Variants in MAGI2 observed in about 807,000 individuals in gnomAD.
MAGI2 encodes membrane-associated guanylate kinase, WW and PDZ domain-containing protein 2.
MAGI2 carries 35 observed loss-of-function variants against 133.3 expected under a neutral mutation model. The observed-to-expected ratio is 0.26, with a 90% CI of 0.20 to 0.35. The LOEUF (loss-of-function observed/expected upper bound fraction) is 0.35, where lower values mean the gene tolerates loss of function less well. MAGI2 is among the 10% of genes least tolerant of loss of function. The pLI, the probability that MAGI2 is intolerant of heterozygous loss-of-function variation, is 1.00. For synonymous variants in MAGI2, 729 were observed against 710.6 expected (o/e 1.03, Z -0.41); for missense variants, 1,636 against 1,863.4 (o/e 0.88, Z 2.25).
intron 2 of MAGI2, among the ~76,000 whole-genome samples, chr7:78,754,038 A>G (rs1385741092): frequency 6.6e-6 from 1 of 152,156 alleles, no homozygotes; most frequent in African/African-American, 2.4e-5. Context: ...GAGAAAACTG[A>G]TATCTGATGG....
intron 1 of MAGI2, among the ~76,000 whole-genome samples, chr7:79,136,719 G>T (rs1209278186): frequency 6.6e-6 from 1 of 152,144 alleles, no homozygotes; most frequent in African/African-American, 2.4e-5. Flanking sequence ...GTTATATAAG[G>T]CTACTCATTT....
chr7:78,551,892 G>A (rs192724900), intron 3 of MAGI2, among the ~76,000 whole-genome samples: 2 of 152,236 alleles, frequency 1.3e-5, no homozygotes, highest in East Asian at 3.9e-4. Context: ...CTACAGGAAT[G>A]CGCCACCACG....
intron 1 of MAGI2, among the ~76,000 whole-genome samples, chr7:79,437,010 C>A (rs1470889097): frequency 6.6e-6 from 1 of 152,156 alleles, no homozygotes; most frequent in Admixed American, 6.6e-5. Context: ...GATTACTATG[C>A]AGCCATGAAA....
intron 1 of MAGI2, among the ~76,000 whole-genome samples, chr7:79,204,331 C>G (rs1299947426): frequency 6.6e-6 from 1 of 152,032 alleles, no homozygotes; most frequent in Non-Finnish European, 1.5e-5. Context: ...GGGCTCAGGA[C>G]AGCTCTCAAC....
At chr7:79,121,030 T>C (rs1434864140) in intron 1 of MAGI2, among the ~76,000 whole-genome samples, 1 of 152,142 alleles carries the variant, frequency 6.6e-6, no homozygotes, top group Non-Finnish European at 1.5e-5. Flanking sequence ...AGAAACCTCC[T>C]AATCAGAGTA....
At chr7:78,058,003 A>ATATATATATGTGTGTGTGTGTGTGTGTG in intron 21 of MAGI2, among the ~76,000 whole-genome samples, 1 of 117,028 alleles carries the variant, frequency 8.5e-6, no homozygotes, top group African/African-American at 3.3e-5. Context: ...ATATATATAT[A>ATATATATATGTGTGTGTGTGTGTGTGTG]TGTATGAGAA....
chr7:78,447,340 A>G (rs573709493), intron 6 of MAGI2, among the ~76,000 whole-genome samples: 1 of 151,804 alleles, frequency 6.6e-6, no homozygotes, highest in South Asian at 2.1e-4. Context: ...AACAAATGTC[A>G]TGTTAAAGGG....
chr7:78,437,040 G>A (rs1028934289), intron 6 of MAGI2, among the ~76,000 whole-genome samples: 1 of 152,170 alleles, frequency 6.6e-6, no homozygotes, highest in African/African-American at 2.4e-5. Flanking sequence ...GATTACTTGA[G>A]AAAGGTTCAG....
At chr7:78,213,438 AAG>A (rs893369841) in intron 10 of MAGI2, among the ~76,000 whole-genome samples, 2 of 152,222 alleles carry the variant, frequency 1.3e-5, no homozygotes, top group African/African-American at 4.8e-5. Context: ...TATTTATCAA[AAG>A]AGAGACATGC....
intron 2 of MAGI2, among the ~76,000 whole-genome samples, chr7:78,770,631 C>T (rs17151445): frequency 0.073 from 11,138 of 152,192 alleles, 554 homozygotes; most frequent in East Asian, 0.23. Context: ...CATGATGGCT[C>T]TCCACTGGCT....
chr7:78,203,006 A>G (rs571932530), intron 10 of MAGI2, among the ~76,000 whole-genome samples: 90 of 152,340 alleles, frequency 5.9e-4, no homozygotes, highest in Non-Finnish European at 1.1e-3. Flanking sequence ...TTTGACCATG[A>G]GTTTAAAAGT....
chr7:79,317,275 C>T (rs544388658), intron 1 of MAGI2, among the ~76,000 whole-genome samples: 5 of 152,124 alleles, frequency 3.3e-5, no homozygotes, highest in African/African-American at 1.2e-4. Context: ...CTGCCTGCCT[C>T]GGCCTCCCAA....
At chr7:79,152,264 T>A (rs113261961) in intron 1 of MAGI2, among the ~76,000 whole-genome samples, 2 of 152,208 alleles carry the variant, frequency 1.3e-5, no homozygotes, top group Admixed American at 1.3e-4. Flanking sequence ...AAAAGCAGAA[T>A]TATATTTTTT....
intron 6 of MAGI2, among the ~76,000 whole-genome samples, chr7:78,451,732 A>G (rs116073301): frequency 6.6e-6 from 1 of 152,256 alleles, no homozygotes; most frequent in African/African-American, 2.4e-5. Flanking sequence ...CAGAGTAAGT[A>G]CTACATGACT....
chr7:79,090,578 G>A (rs764833508), intron 1 of MAGI2, among the ~76,000 whole-genome samples: 1 of 151,990 alleles, frequency 6.6e-6, no homozygotes, highest in East Asian at 1.9e-4. Flanking sequence ...TAGCTCATGC[G>A]ACATGTATAC....
At chr7:78,564,167 C>T (rs1233413703) in intron 3 of MAGI2, among the ~76,000 whole-genome samples, 2 of 152,078 alleles carry the variant, frequency 1.3e-5, no homozygotes, top group East Asian at 3.9e-4. Flanking sequence ...TGGAAGAATC[C>T]CGCACAACTG....
chr7:78,497,705 C>T (rs1794218401), intron 5 of MAGI2, among the ~76,000 whole-genome samples: 1 of 118,832 alleles, frequency 8.4e-6, no homozygotes, highest in African/African-American at 3.0e-5. Context: ...TTCCTTTATG[C>T]TATTCAGAAA....
At chr7:79,244,456 G>C (rs1832672368) in intron 1 of MAGI2, among the ~76,000 whole-genome samples, 1 of 152,186 alleles carries the variant, frequency 6.6e-6, no homozygotes, top group African/African-American at 2.4e-5. Context: ...GGGGGAGGGA[G>C]AGTGCAGTGA....
intron 2 of MAGI2, among the ~76,000 whole-genome samples, chr7:78,846,036 A>G (rs1039276922): frequency 5.3e-5 from 8 of 151,946 alleles, no homozygotes; most frequent in Non-Finnish European, 1.2e-4. Context: ...AACAAATCTT[A>G]TTTACTATTC....
Sources: allele counts gnomAD v4.1 joint callset (sites outside exome capture counted in the v4.1 genomes callset), GRCh38; gene constraint gnomAD v4.1.1; transcripts MANE v1.5; gene names NCBI Gene and HGNC (gene_info 2026-07-23, HGNC 2026-07-21).